The following PDE7B variants were observed in gnomAD, a reference collection of about 807,000 sequenced individuals.
PDE7B encodes phosphodiesterase 7B, also known as 3',5'-cyclic-AMP phosphodiesterase 7B.
In PDE7B, 29 loss-of-function variants were observed where a neutral mutation model predicts 56.2. The observed-to-expected ratio is 0.52, with a 90% confidence interval of 0.38 to 0.70. The LOEUF (loss-of-function observed/expected upper bound fraction) is 0.70, where lower values mean the gene tolerates loss of function less well. PDE7B is among the 30% of genes least tolerant of loss of function. The pLI is 0.00. For synonymous variants in PDE7B, 197 were observed against 196.9 expected (o/e 1.00, Z 0.00); for missense variants, 490 against 565.0 (o/e 0.87, Z 1.35).
intron 3 of PDE7B, among the ~76,000 whole-genome samples, chr6:136,115,598 G>A (rs1239687479): frequency 6.6e-6 from 1 of 152,194 alleles, no homozygotes. Context: ...AGTGAAAACA[G>A]CCATTGCCTT....
intron 2 of PDE7B, among the ~76,000 whole-genome samples, chr6:136,074,452 T>A (rs1255038815): frequency 2.0e-5 from 3 of 152,178 alleles, no homozygotes; most frequent in Non-Finnish European, 4.4e-5. Flanking sequence ...AATTATACTT[T>A]TTAAGTTATT....
At chr6:136,049,872 A>G (rs1776594036) in intron 2 of PDE7B, among the ~76,000 whole-genome samples, 1 of 152,230 alleles carries the variant, frequency 6.6e-6, no homozygotes. Flanking sequence ...TAAATGGAAC[A>G]GTAAAGGGTA....
At chr6:136,032,376 C>G (rs1018783170) in intron 2 of PDE7B, among the ~76,000 whole-genome samples, 2 of 152,204 alleles carry the variant, frequency 1.3e-5, no homozygotes, top group African/African-American at 4.8e-5. Context: ...TGGTAAAGAT[C>G]ATGCAGGATG....
At chr6:135,981,074 C>T (rs1775285372) in intron 2 of PDE7B, among the ~76,000 whole-genome samples, 1 of 149,886 alleles carries the variant, frequency 6.7e-6, no homozygotes, top group Admixed American at 6.7e-5. Context: ...GAAAATGTGG[C>T]ACATATACAC....
At chr6:135,956,308 G>A (rs1774792632) in intron 2 of PDE7B, among the ~76,000 whole-genome samples, 1 of 152,110 alleles carries the variant, frequency 6.6e-6, no homozygotes, top group Admixed American at 6.6e-5. Context: ...CAAAAGGTGG[G>A]GCATAATACA....
chr6:136,169,777 G>T (rs1481366131), intron 8 of PDE7B, among the ~76,000 whole-genome samples: 3 of 152,146 alleles, frequency 2.0e-5, no homozygotes, highest in African/African-American at 7.2e-5. Context: ...AATTAGTCTA[G>T]CATGTGATTT....
intron 2 of PDE7B, among the ~76,000 whole-genome samples, chr6:135,981,085 C>G (rs1583809565): frequency 6.6e-6 from 1 of 150,440 alleles, no homozygotes; most frequent in African/African-American, 2.4e-5. Flanking sequence ...ACATATACAC[C>G]ATGGAATACT....
At chr6:135,855,529 A>G (rs960287228) in intron 1 of PDE7B, among the ~76,000 whole-genome samples, 4 of 152,208 alleles carry the variant, frequency 2.6e-5, no homozygotes, top group African/African-American at 9.6e-5. Flanking sequence ...GATGATCTAT[A>G]ATGTGATTAA....
At chr6:136,061,717 T>C (rs764137798) in intron 2 of PDE7B, among the ~76,000 whole-genome samples, 1 of 152,170 alleles carries the variant, frequency 6.6e-6, no homozygotes. Context: ...ATGCTGGGCA[T>C]AGTACCATGT....
chr6:136,064,941 T>C (rs1286205197), intron 2 of PDE7B, among the ~76,000 whole-genome samples: 1 of 152,206 alleles, frequency 6.6e-6, no homozygotes, highest in Non-Finnish European at 1.5e-5. Flanking sequence ...AAATATTCAT[T>C]GTGAATGAAT....
chr6:136,074,239 A>T lies in PDE7B; in HGVS notation c.83-34492A>T, dbSNP rs1777094612. On this transcript the variant is annotated intron_variant, in intron 2 of 12. Transcript: ENST00000308191. ...CAGAGAGACCTTGTCTCAAAAAAAA[A>T]AAAAGGCGGGGGGGATTTGGGGTTT... is the stretch of plus-strand genomic sequence containing the variant. 9.9e-5 allele frequency among the ~76,000 whole-genome samples: 15 copies of T among 151,984 alleles called. 1 individual carries two copies. In the South Asian group the frequency reaches 2.7e-3, roughly 27 times the overall value.
At chr6:135,993,962 AAAC>A (rs1314002615) in intron 2 of PDE7B, among the ~76,000 whole-genome samples, 2 of 152,222 alleles carry the variant, frequency 1.3e-5, no homozygotes, top group African/African-American at 4.8e-5. Context: ...GCAAAGTAAT[AAAC>A]AACAGCAGCC....
intron 1 of PDE7B, among the ~76,000 whole-genome samples, chr6:135,909,164 A>T (rs1313461059): frequency 1.3e-5 from 2 of 152,126 alleles, no homozygotes; most frequent in Non-Finnish European, 2.9e-5. Flanking sequence ...TTACTGTGAA[A>T]TTTTAAAAAG....
At chr6:136,076,434 T>C (rs145676957) in intron 2 of PDE7B, among the ~76,000 whole-genome samples, 110 of 152,050 alleles carry the variant, frequency 7.2e-4, no homozygotes, top group African/African-American at 2.6e-3. Context: ...GATTGCGCCA[T>C]TACACTCTAG....
chr6:136,008,517 A>ATCTC (rs1775828762), intron 2 of PDE7B, among the ~76,000 whole-genome samples: 1 of 152,154 alleles, frequency 6.6e-6, no homozygotes, highest in Admixed American at 6.5e-5. Context: ...CTTTTTAATG[A>ATCTC]TTGCCATTCT....
At chr6:135,892,492 G>C (rs1390155072) in intron 1 of PDE7B, among the ~76,000 whole-genome samples, 2 of 152,110 alleles carry the variant, frequency 1.3e-5, no homozygotes, top group African/African-American at 2.4e-5. Flanking sequence ...TCTATTCTGA[G>C]GAGATATTTC....
intron 2 of PDE7B, among the ~76,000 whole-genome samples, chr6:135,959,008 T>C (rs1774851580): frequency 6.6e-6 from 1 of 152,196 alleles, no homozygotes; most frequent in Non-Finnish European, 1.5e-5. Flanking sequence ...GGAGCCTAAT[T>C]TGATTTGTAG....
At chr6:135,871,555 T>G (rs1048390778) in intron 1 of PDE7B, among the ~76,000 whole-genome samples, 8 of 152,208 alleles carry the variant, frequency 5.3e-5, no homozygotes, top group Non-Finnish European at 1.0e-4. Flanking sequence ...CTGTGGCCAG[T>G]TACTCACATG....
chr6:135,959,291 A>G (rs1774856503), intron 2 of PDE7B, among the ~76,000 whole-genome samples: 1 of 152,198 alleles, frequency 6.6e-6, no homozygotes, highest in South Asian at 2.1e-4. Context: ...TATACTACAA[A>G]TCTGAGAGTT....
Sources: allele counts gnomAD v4.1 joint callset (sites outside exome capture counted in the v4.1 genomes callset), GRCh38; gene constraint gnomAD v4.1.1; transcripts MANE v1.5; gene names NCBI Gene and HGNC (gene_info 2026-07-23, HGNC 2026-07-21).